The following ANKAR variants were observed in gnomAD, a reference collection of about 807,000 sequenced individuals.
The protein encoded by ANKAR is ankyrin and armadillo repeat containing.
ANKAR carries 136 observed loss-of-function variants against 146.2 expected under a neutral mutation model. The observed-to-expected ratio is 0.93, with a 90% CI of 0.81 to 1.07. The LOEUF (loss-of-function observed/expected upper bound fraction) is 1.07, where lower values mean the gene tolerates loss of function less well. Ranked by LOEUF, ANKAR falls within the 50% of genes least tolerant of loss-of-function variation. The pLI, the probability that ANKAR is intolerant of heterozygous loss-of-function variation, is 0.00. For synonymous variants in ANKAR, 500 were observed against 575.8 expected (o/e 0.87, Z 1.88); for missense variants, 1,567 against 1,679.9 (o/e 0.93, Z 1.18).
Position 189,676,946 on chromosome 2 carries a change from C to A in ANKAR, c.456C>A (p.Tyr152Ter), listed in dbSNP as rs747299018. ...RIGQILINID[Y>*]MLKALWHGIY... is the part of the protein sequence containing the mutation. ...GGCAAATTCTGATCAATATTGACTA[C>A]ATGCTGAAAGCACTATGGCATGGAA... The change falls in exon 2 of 23, where the codon TAC becomes TAA. Residue 152 changes from tyrosine (Y) to a stop codon, truncating the protein, a stop_gained. Transcript: ENST00000684021. LOFTEE classifies it high-confidence loss of function. The A allele has an allele frequency of 6.2e-7, 1 of 1,614,072 alleles. No individual in the cohort carries two copies. Among genetic ancestry groups the A allele is most frequent in the South Asian group, 1.1e-5 (1 of 91,084 alleles).
chr2:189,682,610 A>T (rs1432788954), intron 2 of ANKAR, among the ~76,000 whole-genome samples: 1 of 152,208 alleles, frequency 6.6e-6, no homozygotes, highest in Non-Finnish European at 1.5e-5. Flanking sequence ...CAGGGCTTTT[A>T]TGCTACATGA....
At position 189,689,735 on chromosome 2, in the gene ANKAR, T is replaced by C; in HGVS notation, c.810T>C (p.Thr270=). The change falls in exon 3 of 23, where the codon ACT becomes ACC. Residue 270 remains threonine (T), a synonymous_variant. Transcript: ENST00000684021. ...TATTTGAAACAGGCTATTGGCTTACTAATGCTATAAAATATAATCAGGATT... is the reference window on the plus strand; with the variant it reads ...TATTTGAAACAGGCTATTGGCTTACCAATGCTATAAAATATAATCAGGATT... ...VFIFETGYWL[T]NAIKYNQDYL... The C allele has an allele frequency of 6.2e-7, 1 of 1,613,184 alleles. No homozygotes were observed. The highest frequency in any genetic ancestry group is 8.5e-7 in the Non-Finnish European group (1 of 1,179,312).
chr2:189,683,857 G>C (rs1206586981), intron 2 of ANKAR, among the ~76,000 whole-genome samples: 1 of 152,210 alleles, frequency 6.6e-6, no homozygotes, highest in Non-Finnish European at 1.5e-5. Context: ...CTCTTTTTCA[G>C]AGGGCAGACT....
chr2:189,728,579 A>T, intron 14 of ANKAR, 81 bp from the exon 15 acceptor site: 1 of 1,526,718 alleles, frequency 6.5e-7, no homozygotes, highest in Non-Finnish European at 8.9e-7. Flanking sequence ...CTGGGATTAC[A>T]AGTGTCAGCC....
chr2:189,737,858 A>G lies in ANKAR; in HGVS notation c.3582+17A>G. ...GCATTTCAGGTATAAAATTGAGATT[A>G]ACACCTCAAATTAATAAATATGTCA... On this transcript the variant is annotated intron_variant, in intron 18 of 22. Coordinates refer to ENST00000684021, the MANE Select transcript of ANKAR (RefSeq NM_001378068.1). 1 of 1,517,566 alleles carries G rather than the reference A, an allele frequency of 6.6e-7. No homozygotes were observed. The highest frequency in any genetic ancestry group is 8.8e-7 in the Non-Finnish European group (1 of 1,141,300). 94.0% of individuals were successfully genotyped at this position (1,517,566 alleles called of 1,614,324 possible). A position where few individuals can be genotyped will look rare whatever the true frequency, so the allele number is the denominator to read the frequency against.
In ANKAR at chr2:189,746,589, C is replaced by T; in HGVS notation, c.4267C>T (p.His1423Tyr). ...RIVCLNQLGKHVQKANPEPAE... is the reference protein window; with the variant it reads ...RIVCLNQLGKYVQKANPEPAE... ...AGTGTGTTTGAACCAACTTGGGAAA[C>T]ATGTCCAGAAAGCCAACCCAGAGCC... Residue 1423 changes from histidine to tyrosine, a missense_variant, in exon 23 of 23, where the codon CAT (histidine) becomes TAT (tyrosine). His to Tyr is a moderately conservative substitution (Grantham distance 83). Coordinates refer to ENST00000684021, the MANE Select transcript of ANKAR (RefSeq NM_001378068.1). The T allele has an allele frequency of 1.9e-6, 3 of 1,612,192 alleles. No homozygotes were observed. The highest frequency in any genetic ancestry group is 2.5e-6 in the Non-Finnish European group (3 of 1,179,412).
intron 10 of ANKAR, among the ~76,000 whole-genome samples, chr2:189,714,246 T>TA (rs1162992816): frequency 2.6e-5 from 4 of 152,152 alleles, no homozygotes; most frequent in African/African-American, 9.7e-5. Flanking sequence ...TGAACTCAGC[T>TA]CTGGACCAAA....
At position 189,719,784 on chromosome 2, in the gene ANKAR, T is replaced by C; in HGVS notation, c.2437T>C (p.Cys813Arg). 1 of 1,588,036 alleles carries C rather than the reference T, an allele frequency of 6.3e-7. No homozygotes were observed. Among genetic ancestry groups the C allele is most frequent in the Non-Finnish European group, 8.6e-7 (1 of 1,160,044 alleles). The change falls in exon 11 of 23, where the codon TGT (cysteine) becomes CGT (arginine). Residue 813 changes from cysteine (C) to arginine (R), a missense_variant. By Grantham distance (180) the Cys-to-Arg change is radical. Coordinates refer to ENST00000684021, the MANE Select transcript of ANKAR (RefSeq NM_001378068.1). ...TGTCATTCTATATGATATTGCTCAA[T>C]GTGAAAACAAGGATGTTATTGCCAA... ...CAVILYDIAQ[C>R]ENKDVIAKYN...
chr2:189,754,467 A>G lies in ANKAR; in HGVS notation c.*585-6631A>G, dbSNP rs1026149470. 4 of 914,202 alleles carry G rather than the reference A, an allele frequency of 4.4e-6. No homozygotes were observed. In the African/African-American group the frequency reaches 5.0e-5, roughly 12 times the overall value. The allele number at this position is 914,202 out of a possible 1,614,324, so 56.6% of individuals were successfully genotyped here. A position where few individuals can be genotyped will look rare whatever the true frequency, so the allele number is the denominator to read the frequency against. On this transcript the variant is annotated intron_variant and NMD_transcript_variant, in intron 18 of 18. Transcript: ENST00000441800. The stretch of plus-strand genomic sequence containing the variant: ...AACCCCTGAATGAATAAAACATGCT[A>G]TACTTTGGCAAATATAGACTATAGC...
downstream of ANKAR, chr2:189,761,762 T>C (rs1324096410): frequency 8.0e-7 from 1 of 1,257,424 alleles, no homozygotes; most frequent in African/African-American, 1.5e-5. Flanking sequence ...TTTGTAAAAG[T>C]CACCAAAAGT....
At chr2:189,718,048 G>A in intron 10 of ANKAR, among the ~76,000 whole-genome samples, 1 of 151,474 alleles carries the variant, frequency 6.6e-6, no homozygotes, top group East Asian at 1.9e-4. Context: ...TAACAAACCT[G>A]CACATTGTGC....
intron 7 of ANKAR, among the ~76,000 whole-genome samples, chr2:189,704,552 T>TAC (rs1432173915): frequency 3.1e-5 from 1 of 32,440 alleles, no homozygotes. Flanking sequence ...AACATATATA[T>TAC]ATATATATAT....
chr2:189,714,054 A>G (rs548175305), intron 10 of ANKAR, among the ~76,000 whole-genome samples: 13 of 152,336 alleles, frequency 8.5e-5, no homozygotes, highest in Non-Finnish European at 1.6e-4. Context: ...TGCAACAAGA[A>G]GAACTAACTA....
chr2:189,745,036 C>CTACTACTACTACTACT (rs1553537073), intron 22 of ANKAR, among the ~76,000 whole-genome samples: 2 of 93,958 alleles, frequency 2.1e-5, no homozygotes, highest in Admixed American at 9.9e-5. Flanking sequence ...ACTAATAATA[C>CTACTACTACTACTACT]AAAAATTAGC....
intron 8 of ANKAR, among the ~76,000 whole-genome samples, chr2:189,706,713 A>G (rs1460511744): frequency 1.3e-5 from 2 of 152,182 alleles, no homozygotes; most frequent in East Asian, 3.8e-4. Flanking sequence ...CAAACAAATT[A>G]TAAGGCATGA....
intron 2 of ANKAR, among the ~76,000 whole-genome samples, chr2:189,689,204 A>G (rs1222922955): frequency 2.0e-5 from 3 of 152,076 alleles, no homozygotes; most frequent in Non-Finnish European, 4.4e-5. Flanking sequence ...TATGATCTGT[A>G]TTTTAACATT....
At chr2:189,723,922 G>T (rs576791886) in intron 12 of ANKAR, among the ~76,000 whole-genome samples, 1 of 152,232 alleles carries the variant, frequency 6.6e-6, no homozygotes, top group Non-Finnish European at 1.5e-5. Context: ...ATTCCTTTCA[G>T]AATTTGGGTC....
intron 10 of ANKAR, among the ~76,000 whole-genome samples, chr2:189,713,268 C>G (rs1264294000): frequency 6.6e-6 from 1 of 152,134 alleles, no homozygotes; most frequent in East Asian, 1.9e-4. Context: ...ATACAGAGAA[C>G]ACCACAAAGA....
intron 15 of ANKAR, 73 bp downstream of exon 15, chr2:189,728,894 A>C: frequency 7.0e-7 from 1 of 1,424,262 alleles, no homozygotes; most frequent in African/African-American, 1.4e-5. Flanking sequence ...AGTGGAAATT[A>C]ATCTCTCTTC....
Sources: gnomAD v4.1 joint callset for allele counts (sites outside exome capture counted in the v4.1 genomes callset) on GRCh38, gnomAD v4.1.1 for gene constraint, MANE v1.5 for transcripts, NCBI Gene and HGNC (gene_info 2026-07-23, HGNC 2026-07-21) for gene names.